The following RTN4 variants were observed in gnomAD, a reference collection of about 807,000 sequenced individuals.
RTN4 encodes the protein reticulon-4.
Under a neutral mutation model 90.4 loss-of-function variants are expected in RTN4, and 32 were observed. The observed-to-expected ratio is 0.35, with a 90% CI of 0.27 to 0.48. The LOEUF is 0.48. Among genes scored for constraint, RTN4 ranks in the 20% least tolerant of loss-of-function variants. The pLI, the probability that RTN4 is intolerant of heterozygous loss-of-function variation, is 0.99. For synonymous variants in RTN4, 629 were observed against 552.5 expected, an observed-to-expected ratio of 1.14 and a Z score of -1.94; for missense variants, 1,706 against 1,430.2, an observed-to-expected ratio of 1.19 and a Z score of -3.11.
the RTN4 span, among the ~76,000 whole-genome samples, chr2:55,118,559 C>T: frequency 5.1e-4 from 78 of 151,814 alleles, no homozygotes; most frequent in African/African-American, 1.9e-3. Context: ...ATCTAGTTCA[C>T]GATTCTTTTG....
intron 1 of RTN4, among the ~76,000 whole-genome samples, chr2:55,032,485 A>T (rs1682388188): frequency 6.6e-6 from 1 of 152,204 alleles, no homozygotes; most frequent in African/African-American, 2.4e-5. Context: ...AGAAATATAG[A>T]CTAAAGGACC....
chr2:55,136,372 G>T, the RTN4 span, among the ~76,000 whole-genome samples: 165 of 152,348 alleles, frequency 1.1e-3, 3 homozygotes, highest in South Asian at 0.02. Context: ...AGAATCAGGG[G>T]AGCAGAGACA....
intron 1 of RTN4, among the ~76,000 whole-genome samples, chr2:55,100,251 C>T (rs141599155): frequency 6.6e-6 from 1 of 152,210 alleles, no homozygotes; most frequent in African/African-American, 2.4e-5. Context: ...TAAGGTCTTA[C>T]TTTGCACTGG....
At chr2:55,006,624 G>T (rs1033484203) in intron 3 of RTN4, among the ~76,000 whole-genome samples, 1 of 152,062 alleles carries the variant, frequency 6.6e-6, no homozygotes, top group Non-Finnish European at 1.5e-5. Context: ...CTATCCTACA[G>T]AAACTTCTCT....
At chr2:55,079,638 G>T (rs1181361035) in intron 2 of RTN4, among the ~76,000 whole-genome samples, 1 of 152,106 alleles carries the variant, frequency 6.6e-6, no homozygotes, top group Non-Finnish European at 1.5e-5. Context: ...GTGTTAAAAG[G>T]TACTATACTC....
intron 3 of RTN4, among the ~76,000 whole-genome samples, chr2:55,015,263 A>C (rs1022642833): frequency 6.6e-6 from 1 of 152,206 alleles, no homozygotes; most frequent in Non-Finnish European, 1.5e-5. Flanking sequence ...GCTAGATCAG[A>C]GTATGGGAAT....
chr2:55,007,908 T>C (rs1211846912), intron 3 of RTN4, among the ~76,000 whole-genome samples: 1 of 152,098 alleles, frequency 6.6e-6, no homozygotes, highest in Non-Finnish European at 1.5e-5. Context: ...ATCATTCTCC[T>C]ACCCCATCCA....
upstream of RTN4, among the ~76,000 whole-genome samples, chr2:55,053,670 G>A (rs1433387088): frequency 6.9e-6 from 1 of 145,782 alleles, no homozygotes. Context: ...TGGGTGAAAA[G>A]AGCGAAACTC....
intron 3 of RTN4, among the ~76,000 whole-genome samples, chr2:55,018,095 G>A (rs1470284704): frequency 1.3e-5 from 2 of 152,150 alleles, no homozygotes; most frequent in Non-Finnish European, 2.9e-5. Flanking sequence ...TAATTTACCA[G>A]GTATCCTTGA....
intron 3 of RTN4, among the ~76,000 whole-genome samples, chr2:54,992,569 A>G (rs546840109): frequency 5.9e-5 from 9 of 152,346 alleles, no homozygotes; most frequent in African/African-American, 2.2e-4. Context: ...ACTTTCCCAC[A>G]GTAGAGAACT....
chr2:55,063,312 G>C (rs1463559946), intron 2 of RTN4, among the ~76,000 whole-genome samples: 4 of 152,222 alleles, frequency 2.6e-5, no homozygotes, highest in Non-Finnish European at 5.9e-5. Flanking sequence ...GTGGAGAGTA[G>C]AATGCTGAGA....
At chr2:55,127,449 T>C in the RTN4 span, among the ~76,000 whole-genome samples, 1 of 152,244 alleles carries the variant, frequency 6.6e-6, no homozygotes, top group African/African-American at 2.4e-5. Context: ...ATTTCCTGTC[T>C]TGTCCTGTTT....
In RTN4 at chr2:55,026,156, C is replaced by T; in HGVS notation, c.1943G>A (p.Ser648Asn). 1 of 1,613,170 alleles carries T rather than the reference C, an allele frequency of 6.2e-7. No homozygotes were observed. Among genetic ancestry groups the T allele is most frequent in the East Asian group, 2.2e-5 (1 of 44,862 alleles). Residue 648 changes from serine (S) to asparagine (N), a missense_variant, in exon 3 of 9, where the codon AGC (serine) becomes AAC (asparagine). By Grantham distance (46) the Ser-to-Asn change is conservative. Coordinates refer to ENST00000337526, the MANE Select transcript of RTN4 (RefSeq NM_020532.5). The stretch of plus-strand genomic sequence containing the variant: ...GGGGTTTTCAGGCTCATGTTTTATG[C>T]TTTCATAATTAACTGAAGAAGCTTC... ...PLEASSVNYE[S>N]IKHEPENPPP...
At chr2:55,035,272 G>A (rs961723148) in intron 1 of RTN4, among the ~76,000 whole-genome samples, 1 of 152,024 alleles carries the variant, frequency 6.6e-6, no homozygotes, top group African/African-American at 2.4e-5. Flanking sequence ...CATTTCCTGG[G>A]CTACAAAACA....
At chr2:55,112,130 G>C (rs576699104) in intron 1 of RTN4, among the ~76,000 whole-genome samples, 5 of 152,280 alleles carry the variant, frequency 3.3e-5, no homozygotes, top group African/African-American at 7.2e-5. Flanking sequence ...GGCCCCCTGT[G>C]GGGGAGCGTG....
intron 3 of RTN4, among the ~76,000 whole-genome samples, chr2:54,991,009 G>A (rs1040559806): frequency 1.3e-5 from 2 of 151,848 alleles, no homozygotes; most frequent in African/African-American, 4.8e-5. Context: ...GTCTCGATCT[G>A]CTGACCTCAT....
In RTN4 at chr2:55,025,842, T is replaced by C. The variant is rs200674381; in HGVS notation, c.2257A>G (p.Ile753Val). The C allele has an allele frequency of 1.1e-5, 18 of 1,613,666 alleles. No individual in the cohort carries two copies. The highest frequency in any genetic ancestry group is 2.7e-5 in the African/African-American group (2 of 74,914). Residue 753 changes from isoleucine to valine, a missense_variant, in exon 3 of 9, where the codon ATA becomes GTA. By Grantham distance (29) the Ile-to-Val change is conservative. Transcript: ENST00000337526. ...EPVDLFSDDS[I>V]PDVPQKQDET... ...TCTTGTTTTTGTGGAACGTCAGGTA[T>C]TGAATCATCACTAAATAAGTCAACT...
intron 1 of RTN4, among the ~76,000 whole-genome samples, chr2:55,032,319 T>A (rs1573434630): frequency 1.3e-5 from 2 of 152,216 alleles, no homozygotes; most frequent in East Asian, 3.9e-4. Context: ...CCTCAAGTGA[T>A]CCGCCAGCCT....
intron 1 of RTN4, among the ~76,000 whole-genome samples, chr2:55,046,347 G>C (rs1200030284): frequency 6.6e-6 from 1 of 152,020 alleles, no homozygotes; most frequent in African/African-American, 2.4e-5. Context: ...AATGATCTGG[G>C]TGGGTAAGGC....
Sources: allele counts gnomAD v4.1 joint callset (sites outside exome capture counted in the v4.1 genomes callset), GRCh38; gene constraint gnomAD v4.1.1; transcripts MANE v1.5; gene names NCBI Gene and HGNC (gene_info 2026-07-23, HGNC 2026-07-21).